The following RORB variants were observed in gnomAD, a reference collection of about 807,000 sequenced individuals.
The protein encoded by RORB is RAR related orphan receptor B.
RORB carries 6 observed loss-of-function variants against 59.1 expected under a neutral mutation model. That is an observed-to-expected ratio of 0.10 (90% CI 0.06 to 0.20). The LOEUF is 0.20. Among genes scored for constraint, RORB ranks in the 10% least tolerant of loss-of-function variants. RORB has a pLI of 1.00. For missense variants in RORB, 320 were observed against 560.5 expected (o/e 0.57, Z 4.33); for synonymous variants, 215 against 204.5 (o/e 1.05, Z -0.44).
chr9:74,519,392 G>C (rs1426282301), intron 1 of RORB, among the ~76,000 whole-genome samples: 1 of 151,964 alleles, frequency 6.6e-6, no homozygotes, highest in Non-Finnish European at 1.5e-5. Flanking sequence ...TCTTTCTCCT[G>C]AGTACATTTA....
chr9:74,504,636 A>G (rs141389091), intron 1 of RORB, among the ~76,000 whole-genome samples: 6 of 152,196 alleles, frequency 3.9e-5, no homozygotes, highest in African/African-American at 1.2e-4. Flanking sequence ...TTATGATATC[A>G]TGTGGTCCTG....
At chr9:74,656,369 A>G (rs1222331703) in intron 4 of RORB, among the ~76,000 whole-genome samples, 1 of 152,162 alleles carries the variant, frequency 6.6e-6, no homozygotes, top group Non-Finnish European at 1.5e-5. Context: ...GTGAATTTTC[A>G]CAACAGCCTG....
At chr9:74,520,569 AT>A (rs1045457826) in intron 1 of RORB, among the ~76,000 whole-genome samples, 14 of 151,268 alleles carry the variant, frequency 9.3e-5, no homozygotes, top group East Asian at 5.9e-4. Flanking sequence ...TTCTTTTTTA[AT>A]TTTTTTTTGT....
intron 1 of RORB, among the ~76,000 whole-genome samples, chr9:74,594,493 C>G (rs1238432705): frequency 1.3e-5 from 2 of 152,102 alleles, no homozygotes; most frequent in Non-Finnish European, 2.9e-5. Context: ...TATATAAAAT[C>G]TATATGTAGT....
intron 1 of RORB, among the ~76,000 whole-genome samples, chr9:74,575,439 AACTTTTCT>A (rs1484710912): frequency 1.3e-5 from 2 of 152,096 alleles, no homozygotes; most frequent in Non-Finnish European, 2.9e-5. Flanking sequence ...GCACTTCAGA[AACTTTTCT>A]GAAGCCCCCT....
chr9:74,577,662 C>T (rs1563942444), intron 1 of RORB, among the ~76,000 whole-genome samples: 1 of 152,046 alleles, frequency 6.6e-6, no homozygotes, highest in African/African-American at 2.4e-5. Flanking sequence ...GGCAGAGACA[C>T]CAAAACCAAA....
chr9:74,594,518 A>G (rs535991033), intron 1 of RORB, among the ~76,000 whole-genome samples: 1 of 152,268 alleles, frequency 6.6e-6, no homozygotes, highest in African/African-American at 2.4e-5. Flanking sequence ...ATGTTGATGT[A>G]GTATACTTAA....
chr9:74,651,148 T>G lies in RORB; in HGVS notation c.637+8333T>G, dbSNP rs2059448134. 3.9e-5 allele frequency among the ~76,000 whole-genome samples: 6 copies of G among 152,260 alleles called. No homozygotes were observed. In the South Asian group the frequency reaches 1.2e-3, roughly 32 times the overall value. ...GATTTTGCTGTTTTGGTTTGTCCTA[T>G]CTAAGACTCTTCAAGTGTTTGTAAG... On this transcript the variant is annotated intron_variant, in intron 4 of 9. Coordinates refer to ENST00000376896, the MANE Select transcript of RORB (RefSeq NM_006914.4).
At chr9:74,573,962 G>C (rs945583661) in intron 1 of RORB, among the ~76,000 whole-genome samples, 1 of 152,086 alleles carries the variant, frequency 6.6e-6, no homozygotes, top group Non-Finnish European at 1.5e-5. Flanking sequence ...TTTCAGTAAG[G>C]CTAGAGGCAC....
chr9:74,570,504 G>A (rs192967862), intron 1 of RORB, among the ~76,000 whole-genome samples: 1 of 152,142 alleles, frequency 6.6e-6, no homozygotes, highest in African/African-American at 2.4e-5. Context: ...AGATAGAAAA[G>A]ATCGGCTTTA....
intron 1 of RORB, among the ~76,000 whole-genome samples, chr9:74,602,019 C>T (rs1378775600): frequency 3.3e-5 from 5 of 152,192 alleles, no homozygotes; most frequent in Non-Finnish European, 7.3e-5. Context: ...CCCACACCGA[C>T]ACTTCCTGCC....
chr9:74,547,757 A>T (rs886277819), intron 1 of RORB, among the ~76,000 whole-genome samples: 2 of 152,202 alleles, frequency 1.3e-5, no homozygotes, highest in African/African-American at 4.8e-5. Context: ...GACTCCTATG[A>T]CCCATGATTA....
At chr9:74,595,054 G>A (rs1437686756) in intron 1 of RORB, among the ~76,000 whole-genome samples, 2 of 152,184 alleles carry the variant, frequency 1.3e-5, no homozygotes, top group African/African-American at 2.4e-5. Flanking sequence ...CCTGGACACA[G>A]CCAAAAACTG....
intron 1 of RORB, among the ~76,000 whole-genome samples, chr9:74,563,168 G>C (rs1027895292): frequency 6.8e-6 from 1 of 147,716 alleles, no homozygotes; most frequent in Non-Finnish European, 1.5e-5. Flanking sequence ...GCCTTCAGTT[G>C]TCATGTCTCT....
At chr9:74,596,260 G>T (rs530736196) in intron 1 of RORB, among the ~76,000 whole-genome samples, 1 of 152,058 alleles carries the variant, frequency 6.6e-6, no homozygotes, top group African/African-American at 2.4e-5. Context: ...CCAGGGCAAA[G>T]GTAGAGACAT....
At chr9:74,555,195 G>A (rs529871617) in intron 1 of RORB, among the ~76,000 whole-genome samples, 34 of 152,286 alleles carry the variant, frequency 2.2e-4, no homozygotes, top group South Asian at 2.1e-4. Flanking sequence ...TCTGGCATGC[G>A]GTTTGTTTTA....
intron 4 of RORB, among the ~76,000 whole-genome samples, chr9:74,657,646 C>G (rs1030416490): frequency 6.6e-6 from 1 of 152,118 alleles, no homozygotes; most frequent in African/African-American, 2.4e-5. Context: ...TCTTTGGGCT[C>G]CCACAATAAC....
intron 1 of RORB, among the ~76,000 whole-genome samples, chr9:74,528,955 A>T (rs947108231): frequency 1.3e-5 from 2 of 152,070 alleles, no homozygotes; most frequent in East Asian, 1.9e-4. Context: ...CTAAGATTTC[A>T]GACCAGCAGG....
chr9:74,525,471 C>T (rs965124135), intron 1 of RORB, among the ~76,000 whole-genome samples: 1 of 151,884 alleles, frequency 6.6e-6, no homozygotes, highest in Non-Finnish European at 1.5e-5. Context: ...ATAGAGGAAG[C>T]TAGAGGTTTA....
Sources: allele counts gnomAD v4.1 joint callset (sites outside exome capture counted in the v4.1 genomes callset), GRCh38; gene constraint gnomAD v4.1.1; transcripts MANE v1.5; gene names NCBI Gene and HGNC (gene_info 2026-07-23, HGNC 2026-07-21).